Variants in RIMS1 observed in about 807,000 individuals in gnomAD.
The protein encoded by RIMS1 is regulating synaptic membrane exocytosis 1.
In RIMS1, 83 loss-of-function variants were observed where a neutral mutation model predicts 214.1. That is an observed-to-expected ratio of 0.39 (90% CI 0.32 to 0.47). RIMS1 has a LOEUF of 0.47. RIMS1 is among the 20% of genes least tolerant of loss of function. RIMS1 has a pLI of 0.99. For synonymous variants in RIMS1, 793 were observed against 786.8 expected (o/e 1.01, Z -0.13); for missense variants, 2,050 against 2,161.8 (o/e 0.95, Z 1.03).
intron 6 of RIMS1, among the ~76,000 whole-genome samples, chr6:72,187,435 A>G (rs1452180201): frequency 6.6e-6 from 1 of 151,486 alleles, no homozygotes; most frequent in African/African-American, 2.4e-5. Flanking sequence ...TAGGTATTAA[A>G]TAGAAATGTA....
chr6:72,320,823 AAT>A (rs1165393870), intron 28 of RIMS1, among the ~76,000 whole-genome samples: 2 of 152,030 alleles, frequency 1.3e-5, no homozygotes, highest in Non-Finnish European at 2.9e-5. Context: ...TTGTACAGTT[AAT>A]AGACTTTATA....
At chr6:72,016,590 G>C (rs946311873) in intron 2 of RIMS1, among the ~76,000 whole-genome samples, 4 of 152,162 alleles carry the variant, frequency 2.6e-5, no homozygotes, top group Admixed American at 2.0e-4. Context: ...TTGAAAGCTT[G>C]TGGTTAATTT....
chr6:72,039,017 T>G (rs1374498507), intron 2 of RIMS1, among the ~76,000 whole-genome samples: 1 of 151,300 alleles, frequency 6.6e-6, no homozygotes, highest in Non-Finnish European at 1.5e-5. Flanking sequence ...CTGAAAAAAA[T>G]TAAAATAGGA....
intron 4 of RIMS1, among the ~76,000 whole-genome samples, chr6:72,161,773 C>T (rs1388649679): frequency 2.5e-4 from 35 of 140,272 alleles, no homozygotes; most frequent in African/African-American, 7.6e-4. Flanking sequence ...TGATTTCTGT[C>T]CTTTCACATT....
chr6:71,916,447 A>G (rs746499617), intron 1 of RIMS1, among the ~76,000 whole-genome samples: 5 of 152,122 alleles, frequency 3.3e-5, no homozygotes, highest in Non-Finnish European at 7.4e-5. Flanking sequence ...ACTTTTCTCT[A>G]TCTCTTCTAA....
chr6:72,375,855 A>G (rs992416985), intron 29 of RIMS1, among the ~76,000 whole-genome samples: 5 of 152,188 alleles, frequency 3.3e-5, no homozygotes, highest in African/African-American at 9.7e-5. Flanking sequence ...ATCTTTGCCT[A>G]CTGAATTATC....
In RIMS1 at chr6:72,092,793, C is replaced by T. The variant is rs890608152; in HGVS notation, c.246-4156C>T. Among the ~76,000 whole-genome samples, 5 of 152,034 alleles carry T rather than the reference C, an allele frequency of 3.3e-5. 1 individual carries two copies. In the South Asian group the frequency reaches 8.3e-4, roughly 25 times the overall value. ...AACATGGTGCCCTGGTGGCTGTCTT[C>T]CTTAGGACCTACTCCAAGATCCCCC... On this transcript the variant is annotated intron_variant, in intron 2 of 33. Transcript: ENST00000521978.
chr6:72,034,779 A>G (rs1346090286), intron 2 of RIMS1, among the ~76,000 whole-genome samples: 1 of 152,118 alleles, frequency 6.6e-6, no homozygotes, highest in Non-Finnish European at 1.5e-5. Flanking sequence ...ATAAACTGAG[A>G]CGGATCCCAA....
Position 72,179,771 on chromosome 6 carries a change from G to A in RIMS1, c.668G>A (p.Ser223Asn). ...CGATCGCGGTCTCAGACACCCCTAAGCACAGCAGCTGCCTCCTCCCAGGAT... is the reference window on the plus strand; with the variant it reads ...CGATCGCGGTCTCAGACACCCCTAAACACAGCAGCTGCCTCCTCCCAGGAT... ...QERSRSQTPL[S>N]TAAASSQDAA... The change falls in exon 5 of 34, where the codon AGC becomes AAC. Residue 223 changes from serine to asparagine, a missense_variant. This residue lies in a region of RIMS1 where 882 missense variants were observed against 828.9 expected (regional missense o/e 1.06). Coordinates refer to ENST00000521978, the MANE Select transcript of RIMS1 (RefSeq NM_014989.7). 2.5e-6 allele frequency: 4 copies of A among 1,613,770 alleles called. No homozygotes were observed. The highest frequency in any genetic ancestry group is 3.4e-6 in the Non-Finnish European group (4 of 1,179,836).
chr6:72,295,418 T>G (rs1405535445), intron 26 of RIMS1, among the ~76,000 whole-genome samples: 2 of 151,782 alleles, frequency 1.3e-5, no homozygotes, highest in Non-Finnish European at 3.0e-5. Context: ...GTTTCCGTGG[T>G]GCAAACAAAG....
chr6:71,987,625 C>T (rs1442979014), intron 2 of RIMS1, among the ~76,000 whole-genome samples: 1 of 152,114 alleles, frequency 6.6e-6, no homozygotes, highest in Non-Finnish European at 1.5e-5. Flanking sequence ...TTTTGTGCTA[C>T]AATAAGACTA....
intron 2 of RIMS1, among the ~76,000 whole-genome samples, chr6:72,090,782 T>C (rs1465075950): frequency 6.6e-6 from 1 of 152,220 alleles, no homozygotes; most frequent in Admixed American, 6.5e-5. Context: ...TGTTCAACAG[T>C]GTAGTGTGAT....
At chr6:72,370,689 G>A (rs1394694116) in intron 29 of RIMS1, among the ~76,000 whole-genome samples, 2 of 152,124 alleles carry the variant, frequency 1.3e-5, no homozygotes, top group African/African-American at 4.8e-5. Context: ...GGGAGTGAAG[G>A]TATGAATATT....
At chr6:72,133,556 A>T (rs1486666564) in intron 4 of RIMS1, among the ~76,000 whole-genome samples, 5 of 152,192 alleles carry the variant, frequency 3.3e-5, no homozygotes, top group Admixed American at 1.3e-4. Context: ...AGCATGAGCA[A>T]ATAAATCCAC....
Position 72,071,215 on chromosome 6 carries a change from G to A in RIMS1, c.246-25734G>A, listed in dbSNP as rs151250150. ...GTTCGAGATCAGCCTGGGCAACATGGTGAGACTCCCCAATCTCTACAAAAA... is the reference window on the plus strand; with the variant it reads ...GTTCGAGATCAGCCTGGGCAACATGATGAGACTCCCCAATCTCTACAAAAA... On this transcript the variant is annotated intron_variant, in intron 2 of 33. Coordinates refer to ENST00000521978, the MANE Select transcript of RIMS1 (RefSeq NM_014989.7). 6.6e-4 allele frequency among the ~76,000 whole-genome samples: 101 copies of A among 152,186 alleles called. 2 individuals are homozygous for A. In the East Asian group the frequency reaches 9.1e-3, roughly 14 times the overall value.
intron 23 of RIMS1, among the ~76,000 whole-genome samples, chr6:72,276,875 AT>A (rs1421336278): frequency 6.6e-6 from 1 of 152,190 alleles, no homozygotes; most frequent in African/African-American, 2.4e-5. Flanking sequence ...GTTTCTACCA[AT>A]TTCTAAATGA....
rs537509888 is a variant in RIMS1, at chr6:72,402,155, TA to T, written c.*1453del. ...TGTTCAGAGCTGCATGCACATTTTG[TA>T]AAAAAAAAAAATTTTAAAAAGAAAA... On this transcript the variant is annotated 3_prime_UTR_variant, in exon 34 of 34. Transcript: ENST00000521978. 39 of 148,964 alleles carry T rather than the reference TA, an allele frequency of 2.6e-4. No individual in the cohort carries two copies. Among genetic ancestry groups the T allele is most frequent in the East Asian group, 5.9e-4 (3 of 5,084 alleles). The allele number at this position is 148,964 out of a possible 1,614,324, so 9.2% of individuals were successfully genotyped here. A position where few individuals can be genotyped will look rare whatever the true frequency, so the allele number is the denominator to read the frequency against.
chr6:72,396,276 A>G (rs887901444), intron 31 of RIMS1, among the ~76,000 whole-genome samples: 1 of 152,198 alleles, frequency 6.6e-6, no homozygotes, highest in Non-Finnish European at 1.5e-5. Flanking sequence ...TCTACAAAAC[A>G]CACGTGTGTA....
At chr6:72,198,039 A>G (rs542808915) in intron 6 of RIMS1, among the ~76,000 whole-genome samples, 1 of 152,246 alleles carries the variant, frequency 6.6e-6, no homozygotes, top group African/African-American at 2.4e-5. Context: ...AATGCCTTCA[A>G]AATTTTGAGA....
Sources: gnomAD v4.1 joint callset for allele counts (sites outside exome capture counted in the v4.1 genomes callset) on GRCh38, gnomAD v4.1.1 for gene constraint, gnomAD v4.1.1 regional missense constraint, MANE v1.5 for transcripts, NCBI Gene and HGNC (gene_info 2026-07-23, HGNC 2026-07-21) for gene names.